Variants in CSMD2 observed in about 807,000 individuals in gnomAD.
CSMD2 encodes CUB and Sushi multiple domains 2, also known as CUB and sushi domain-containing protein 2.
CSMD2 carries 130 observed loss-of-function variants against 398.5 expected under a neutral mutation model. That is an observed-to-expected ratio of 0.33 (90% CI 0.28 to 0.38). The LOEUF is 0.38. Among genes scored for constraint, CSMD2 ranks in the 10% least tolerant of loss-of-function variants. The probability of loss-of-function intolerance (pLI) is 1.00; values close to 1 mark genes in which losing one functional copy is unlikely to be tolerated. For synonymous variants in CSMD2, 1,828 were observed against 1,908.5 expected (o/e 0.96, Z 1.10); for missense variants, 3,829 against 4,764.9 (o/e 0.80, Z 5.78).
At chr1:34,018,155 C>T (rs1648392147) in intron 3 of CSMD2, among the ~76,000 whole-genome samples, 1 of 152,190 alleles carries the variant, frequency 6.6e-6, no homozygotes, top group African/African-American at 2.4e-5. Flanking sequence ...TATGAAGAAT[C>T]CATTTTGCAT....
At chr1:33,757,899 C>T (rs1052001219) in intron 13 of CSMD2, among the ~76,000 whole-genome samples, 1 of 152,210 alleles carries the variant, frequency 6.6e-6, no homozygotes, top group African/African-American at 2.4e-5. Context: ...CTTTCTACTG[C>T]CAGAGTCTAC....
At chr1:34,059,943 G>A (rs1654279921) in intron 2 of CSMD2, among the ~76,000 whole-genome samples, 1 of 152,186 alleles carries the variant, frequency 6.6e-6, no homozygotes, top group African/African-American at 2.4e-5. Context: ...CCCCCACCCT[G>A]CTGGACCATC....
At chr1:33,821,261 A>G (rs1658111894) in intron 7 of CSMD2, among the ~76,000 whole-genome samples, 1 of 152,156 alleles carries the variant, frequency 6.6e-6, no homozygotes, top group Non-Finnish European at 1.5e-5. Flanking sequence ...CTATTTACAA[A>G]AACCATATGC....
At chr1:33,795,279 G>A (rs990236325) in intron 10 of CSMD2, among the ~76,000 whole-genome samples, 1 of 152,172 alleles carries the variant, frequency 6.6e-6, no homozygotes, top group Non-Finnish European at 1.5e-5. Flanking sequence ...AGTGAGTGGG[G>A]ATTCCTTGGC....
intron 5 of CSMD2, chr1:33,869,262 T>G (rs1373033909): frequency 6.6e-6 from 1 of 152,198 alleles, no homozygotes; most frequent in Non-Finnish European, 1.5e-5. Flanking sequence ...TCTAAAGGAT[T>G]GCAAGAAAGA....
chr1:34,047,406 C>T (rs1652657653), intron 2 of CSMD2, among the ~76,000 whole-genome samples: 1 of 152,152 alleles, frequency 6.6e-6, no homozygotes, highest in South Asian at 2.1e-4. Flanking sequence ...AACTATTCTA[C>T]TTAAAATTGC....
intron 22 of CSMD2, among the ~76,000 whole-genome samples, chr1:33,705,180 G>A (rs1412237839): frequency 6.6e-6 from 1 of 152,028 alleles, no homozygotes; most frequent in Non-Finnish European, 1.5e-5. Context: ...TATGATTTAT[G>A]AATACGATGT....
At chr1:33,918,405 A>G in intron 4 of CSMD2, 104 bp from the exon 5 acceptor site, 1 of 917,030 alleles carries the variant, frequency 1.1e-6, no homozygotes, top group Non-Finnish European at 1.7e-6. Context: ...TCCCAAGAGT[A>G]CAATTCACAG....
chr1:34,051,994 G>C (rs1232477501), intron 2 of CSMD2, among the ~76,000 whole-genome samples: 2 of 152,038 alleles, frequency 1.3e-5, no homozygotes, highest in Non-Finnish European at 2.9e-5. Flanking sequence ...CTGAGTAAGG[G>C]AGAAGGTACT....
At chr1:33,825,153 G>C (rs945359249) in intron 7 of CSMD2, among the ~76,000 whole-genome samples, 1 of 151,592 alleles carries the variant, frequency 6.6e-6, no homozygotes, top group African/African-American at 2.4e-5. Context: ...CAAGAAGAGA[G>C]CCCCCAGTGC....
At chr1:33,858,105 G>A (rs139548765) in intron 5 of CSMD2, among the ~76,000 whole-genome samples, 4 of 152,252 alleles carry the variant, frequency 2.6e-5, no homozygotes, top group Admixed American at 6.5e-5. Context: ...CTGACACTTC[G>A]CCTGGCTTTG....
chr1:33,802,736 G>A (rs1021857826), intron 10 of CSMD2, among the ~76,000 whole-genome samples: 2 of 152,102 alleles, frequency 1.3e-5, no homozygotes, highest in Non-Finnish European at 2.9e-5. Context: ...CCTGCTCCTC[G>A]CAAAGGGAGC....
At chr1:33,644,802 C>T (rs1017874324) in intron 29 of CSMD2, among the ~76,000 whole-genome samples, 2 of 152,078 alleles carry the variant, frequency 1.3e-5, no homozygotes, top group African/African-American at 4.8e-5. Flanking sequence ...TCTGACTGTG[C>T]TGATATCAGT....
intron 25 of CSMD2, among the ~76,000 whole-genome samples, chr1:33,690,696 G>A (rs145653152): frequency 1.3e-5 from 2 of 152,234 alleles, no homozygotes; most frequent in African/African-American, 2.4e-5. Flanking sequence ...ACTAGTCACC[G>A]AGGAACTATC....
chr1:33,956,074 T>C (rs1645158659), intron 3 of CSMD2, among the ~76,000 whole-genome samples: 1 of 152,180 alleles, frequency 6.6e-6, no homozygotes, highest in Non-Finnish European at 1.5e-5. Flanking sequence ...TTACCAACTA[T>C]GAGATCCTGG....
intron 32 of CSMD2, among the ~76,000 whole-genome samples, chr1:33,631,167 G>A (rs1043723250): frequency 1.3e-5 from 2 of 152,000 alleles, no homozygotes; most frequent in African/African-American, 4.8e-5. Context: ...CGAGTAAAAA[G>A]GGGATGATGA....
intron 27 of CSMD2, among the ~76,000 whole-genome samples, chr1:33,653,441 T>G (rs1394884744): frequency 6.6e-6 from 1 of 152,202 alleles, no homozygotes; most frequent in Non-Finnish European, 1.5e-5. Flanking sequence ...GCTCCTGGCA[T>G]CTGCTCGCGG....
intron 5 of CSMD2, among the ~76,000 whole-genome samples, chr1:33,851,772 C>G (rs949851555): frequency 2.0e-5 from 3 of 152,108 alleles, no homozygotes; most frequent in Non-Finnish European, 4.4e-5. Flanking sequence ...CTAGGACTTG[C>G]TATGTCAAGA....
At chr1:33,745,098 C>T (rs1003952463) in intron 13 of CSMD2, among the ~76,000 whole-genome samples, 20 of 152,180 alleles carry the variant, frequency 1.3e-4, no homozygotes, top group Non-Finnish European at 2.8e-4. Flanking sequence ...TAATGTGATA[C>T]AGTTTGACTG....
Sources: gnomAD v4.1 joint callset for allele counts (sites outside exome capture counted in the v4.1 genomes callset) on GRCh38, gnomAD v4.1.1 for gene constraint, MANE v1.5 for transcripts, NCBI Gene and HGNC (gene_info 2026-07-23, HGNC 2026-07-21) for gene names.